KDM5A: variants seen among roughly 807,000 people sequenced by gnomAD.
The protein encoded by KDM5A is lysine demethylase 5A.
A neutral mutation model predicts 193.5 loss-of-function variants in KDM5A; 42 were observed. The observed-to-expected ratio is 0.22, with a 90% CI of 0.17 to 0.28. The LOEUF is 0.28. KDM5A is among the 10% of genes least tolerant of loss of function. The pLI is 1.00. For missense variants in KDM5A, 1,692 were observed against 2,055.1 expected (o/e 0.82, Z 3.42); for synonymous variants, 796 against 718.1 (o/e 1.11, Z -1.73).
chr12:297,103 C>T lies in KDM5A; in HGVS notation c.4172G>A (p.Trp1391Ter). ...IKSEEVVTHM[W>*]TAPSFCAEHA... The stretch of plus-strand genomic sequence containing the variant: ...CTCTGCACAAAATGAAGGTGCTGTC[C>T]ACATGTGGGTCACCACCTCCTCGGA... Residue 1391 changes from tryptophan (W) to a stop codon, truncating the protein, a stop_gained, in exon 25 of 28, where the codon TGG becomes TAG. Transcript: ENST00000399788. LOFTEE classifies it high-confidence loss of function. 6.2e-7 allele frequency: 1 copy of T among 1,613,998 alleles called. No individual in the cohort carries two copies. The highest frequency in any genetic ancestry group is 8.5e-7 in the Non-Finnish European group (1 of 1,179,990).
chr12:378,170 G>A (rs1357530436), intron 3 of KDM5A, among the ~76,000 whole-genome samples: 1 of 152,064 alleles, frequency 6.6e-6, no homozygotes, highest in Non-Finnish European at 1.5e-5. Flanking sequence ...TTGGAAATAT[G>A]AAGATCAAAA....
intron 10 of KDM5A, 25 bp from the exon 11 acceptor site, chr12:334,447 A>G: frequency 1.3e-6 from 2 of 1,595,366 alleles, no homozygotes; most frequent in East Asian, 4.5e-5. Flanking sequence ...AAAACTGTAA[A>G]TGAAAGATCA....
At position 311,017 on chromosome 12, in the gene KDM5A, C is replaced by T. The variant is rs777577207; in HGVS notation, c.3084G>A (p.Ala1028=). Residue 1028 remains alanine (A), a synonymous_variant, in exon 21 of 28, where the codon GCG becomes GCA. Coordinates refer to ENST00000399788, the MANE Select transcript of KDM5A (RefSeq NM_001042603.3). ...AYLEQLESLS[A]KGRPIPVRLE... ...GACGCACAGGAATAGGGCGTCCTTT[C>T]GCAGACAAGCTCTCAAGCTGCTCCA... The T allele has an allele frequency of 1.4e-5, 23 of 1,614,084 alleles. No homozygotes were observed. The highest frequency in any genetic ancestry group is 1.2e-4 in the Admixed American group (7 of 60,012).
At chr12:322,046 T>C (rs1454068753) in intron 17 of KDM5A, among the ~76,000 whole-genome samples, 1 of 152,150 alleles carries the variant, frequency 6.6e-6, no homozygotes, top group Admixed American at 6.5e-5. Flanking sequence ...TGCAATTTTA[T>C]AAAGGCTTGT....
intron 22 of KDM5A, among the ~76,000 whole-genome samples, chr12:308,780 T>A (rs560566234): frequency 4.1e-4 from 63 of 152,322 alleles, no homozygotes; most frequent in African/African-American, 1.4e-3. Flanking sequence ...CAAAACAGAA[T>A]CATTTGTAGG....
intron 1 of KDM5A, among the ~76,000 whole-genome samples, chr12:387,878 A>C (rs1050649072): frequency 6.6e-6 from 1 of 152,194 alleles, no homozygotes; most frequent in African/African-American, 2.4e-5. Context: ...GATGCTTTTT[A>C]AAAAGCAACA....
chr12:373,024 G>C (rs1944451718), intron 3 of KDM5A, among the ~76,000 whole-genome samples: 2 of 152,208 alleles, frequency 1.3e-5, no homozygotes, highest in Admixed American at 1.3e-4. Context: ...TCGCATCGAT[G>C]TTCATCAGGG....
chr12:385,087 G>A (rs1272990543), intron 2 of KDM5A, among the ~76,000 whole-genome samples: 1 of 151,726 alleles, frequency 6.6e-6, no homozygotes. Context: ...GGAGGCTAAG[G>A]CAGGAGAATC....
At position 357,827 on chromosome 12, in the gene KDM5A, C is replaced by CAAAAA. The variant is rs61577928; in HGVS notation, c.673-1295_673-1291dup. ...TGGGCGACAGAGCAAGACTCAGTCT[C>CAAAAA]AAAAAAAAAAAAAAAAAAAAAAAAA... On this transcript the variant is annotated intron_variant, in intron 5 of 27. Transcript: ENST00000399788. Among the ~76,000 whole-genome samples, 8 of 29,866 alleles carry CAAAAA rather than the reference C, an allele frequency of 2.7e-4. 1 individual carries two copies. The highest frequency in any genetic ancestry group is 1.8e-3 in the East Asian group (2 of 1,124). The allele number at this position is 29,866 out of a possible 152,430, so 19.6% of individuals were successfully genotyped here.
chr12:365,877 T>C, intron 4 of KDM5A, 57 bp downstream of exon 4: 3 of 1,573,086 alleles, frequency 1.9e-6, no homozygotes, highest in Non-Finnish European at 2.6e-6. Flanking sequence ...AGTCTAAAGT[T>C]TGTACTTGGG....
rs1022835185 is a variant in KDM5A at position 389,183 on chromosome 12, G to A, written c.-92C>T. The A allele has an allele frequency of 1.6e-6, 2 of 1,212,242 alleles. No individual in the cohort carries two copies. Among genetic ancestry groups the A allele is most frequent in the East Asian group, 4.6e-5 (2 of 43,084 alleles). The allele number at this position is 1,212,242 out of a possible 1,614,324, so 75.1% of individuals were successfully genotyped here. On this transcript the variant is annotated 5_prime_UTR_variant, in exon 1 of 28. Coordinates refer to ENST00000399788, the MANE Select transcript of KDM5A (RefSeq NM_001042603.3). ...CTAAGCCCGTTCAAGTCCCCTGACA[G>A]AGGCCGAAGCGCATCTTCGCGGACA...
intron 14 of KDM5A, among the ~76,000 whole-genome samples, chr12:326,033 G>A (rs766359306): frequency 7.2e-5 from 11 of 152,046 alleles, no homozygotes; most frequent in African/African-American, 2.4e-4. Context: ...AAAAGGAAAC[G>A]TATGAGTCAA....
chr12:312,585 A>T (rs1313749709), intron 20 of KDM5A, among the ~76,000 whole-genome samples: 1 of 152,242 alleles, frequency 6.6e-6, no homozygotes, highest in Non-Finnish European at 1.5e-5. Context: ...TAAATTATAA[A>T]ATCAGACGAA....
chr12:322,049 A>C (rs1943723984), intron 17 of KDM5A, among the ~76,000 whole-genome samples: 1 of 152,214 alleles, frequency 6.6e-6, no homozygotes, highest in African/African-American at 2.4e-5. Flanking sequence ...AATTTTATAA[A>C]GGCTTGTCAG....
Position 323,208 on chromosome 12 carries a change from TACAAAAAAAAAAA to T in KDM5A, c.2151-15_2151-3del, listed in dbSNP as rs1943741487. 2 of 105,064 alleles carry T rather than the reference TACAAAAAAAAAAA, an allele frequency of 1.9e-5. No individual in the cohort carries two copies. The highest frequency in any genetic ancestry group is 1.8e-5 in the Non-Finnish European group (1 of 55,722). 6.5% of individuals were successfully genotyped at this position (105,064 alleles called of 1,614,324 possible). ...AGGTCTTCTAATGGGTAGCGATATC[TACAAAAAAAAAAA>T]AAAAAAAAAAAAAAAAAAGAAAACA... On this transcript the variant is annotated splice_region_variant and splice_polypyrimidine_tract_variant and intron_variant, in intron 15 of 27. Transcript: ENST00000399788.
rs1943889323 is a variant in KDM5A at position 333,567 on chromosome 12, A to T, written c.1573T>A (p.Leu525Ile). The change falls in exon 12 of 28, where the codon TTA (leucine) becomes ATA (isoleucine). Residue 525 changes from leucine to isoleucine, a missense_variant. Physicochemically the swap from Leu to Ile is conservative, Grantham distance 5 (BLOSUM62 2). Coordinates refer to ENST00000399788, the MANE Select transcript of KDM5A (RefSeq NM_001042603.3). ...AGAAGATCAGGCTGGGATTCAAATA[A>T]CTCGGGGGCCAGCTCTCTCATCACC... ...EEVMRELAPE[L>I]FESQPDLLHQ... 1 of 1,614,102 alleles carries T rather than the reference A, an allele frequency of 6.2e-7. No homozygotes were observed. Among genetic ancestry groups the T allele is most frequent in the Non-Finnish European group, 8.5e-7 (1 of 1,180,006 alleles).
chr12:338,727 T>C (rs1943963984), intron 10 of KDM5A, among the ~76,000 whole-genome samples: 1 of 151,866 alleles, frequency 6.6e-6, no homozygotes, highest in African/African-American at 2.4e-5. Flanking sequence ...ATGCAAAGAG[T>C]CCTATCCTAT....
chr12:373,867 A>T (rs1253053960), intron 3 of KDM5A, among the ~76,000 whole-genome samples: 1 of 152,200 alleles, frequency 6.6e-6, no homozygotes, highest in Non-Finnish European at 1.5e-5. Flanking sequence ...CAGGTTGTTC[A>T]GTTTCCATGT....
intron 27 of KDM5A, among the ~76,000 whole-genome samples, chr12:289,725 A>AT (rs1943265587): frequency 6.6e-6 from 1 of 151,114 alleles, no homozygotes; most frequent in African/African-American, 2.4e-5. Context: ...AAAAAAAAAA[A>AT]AAAAAAAAAA....
Sources: gnomAD v4.1 joint callset for allele counts (sites outside exome capture counted in the v4.1 genomes callset) on GRCh38, gnomAD v4.1.1 for gene constraint, MANE v1.5 for transcripts, NCBI Gene and HGNC (gene_info 2026-07-23, HGNC 2026-07-21) for gene names.